Variants in DPY19L2 observed in about 807,000 individuals in gnomAD.
The protein encoded by DPY19L2 is dpy-19 like 2, also known as probable C-mannosyltransferase DPY19L2.
In DPY19L2, 34 loss-of-function variants were observed where a neutral mutation model predicts 97.9. That is an observed-to-expected ratio of 0.35 (90% CI 0.26 to 0.46). DPY19L2 has a LOEUF of 0.46. DPY19L2 is among the 20% of genes least tolerant of loss of function. DPY19L2 has a pLI of 1.00. For missense variants in DPY19L2, 623 were observed against 911.4 expected (o/e 0.68, Z 4.07); for synonymous variants, 230 against 307.9 (o/e 0.75, Z 2.65).
chr12:63,575,535 A>T (rs1389306302), intron 19 of DPY19L2, among the ~76,000 whole-genome samples: 1 of 151,896 alleles, frequency 6.6e-6, no homozygotes, highest in East Asian at 1.9e-4. Context: ...TGAAAAGATA[A>T]AATTAACAAA....
intron 16 of DPY19L2, among the ~76,000 whole-genome samples, chr12:63,588,504 G>A (rs1010289266): frequency 2.6e-5 from 4 of 151,978 alleles, no homozygotes; most frequent in Admixed American, 1.3e-4. Flanking sequence ...TTAAAAAATC[G>A]TTAAGAGGGT....
At chr12:63,631,161 G>C (rs1245241181) in intron 6 of DPY19L2, among the ~76,000 whole-genome samples, 1 of 152,088 alleles carries the variant, frequency 6.6e-6, no homozygotes, top group Non-Finnish European at 1.5e-5. Context: ...AAAAGAACTA[G>C]AGAAGCAAGA....
chr12:63,631,569 T>A (rs1312123212), intron 6 of DPY19L2, among the ~76,000 whole-genome samples: 1 of 152,022 alleles, frequency 6.6e-6, no homozygotes, highest in Non-Finnish European at 1.5e-5. Flanking sequence ...GAGGCAATAA[T>A]CAATAGCCTA....
chr12:63,590,113 AAAAAC>A (rs1260121064), intron 16 of DPY19L2, among the ~76,000 whole-genome samples: 8 of 151,494 alleles, frequency 5.3e-5, no homozygotes, highest in East Asian at 1.9e-4. Context: ...GCGAGACAAA[AAAAAC>A]AAAACAAAAC....
intron 16 of DPY19L2, chr12:63,590,951 G>A (rs1469536677): frequency 6.5e-5 from 26 of 401,280 alleles, no homozygotes; most frequent in African/African-American, 3.7e-4. Context: ...CGAGTCTGTC[G>A]CTTCCACATT....
In DPY19L2 at chr12:63,577,761, A is replaced by C. The variant is rs963034541; in HGVS notation, c.1900+2901T>G. On this transcript the variant is annotated intron_variant, in intron 19 of 21. Transcript: ENST00000324472. ...ACTCCAGTTAAAATGGCTATTATTC[A>C]AAAGACAGGCAATAACAAATGGCTG... 3.3e-5 allele frequency among the ~76,000 whole-genome samples: 5 copies of C among 152,168 alleles called. 1 individual carries two copies. Among genetic ancestry groups the C allele is most frequent in the African/African-American group, 1.2e-4 (5 of 41,438 alleles).
At chr12:63,582,848 GA>G in intron 17 of DPY19L2, among the ~76,000 whole-genome samples, 1 of 152,104 alleles carries the variant, frequency 6.6e-6, no homozygotes, top group Non-Finnish European at 1.5e-5. Context: ...CAGTTGGCAA[GA>G]AAATGGAGCA....
intron 21 of DPY19L2, among the ~76,000 whole-genome samples, chr12:63,562,795 G>A (rs1040183255): frequency 2.4e-5 from 3 of 124,108 alleles, no homozygotes; most frequent in Non-Finnish European, 4.9e-5. Flanking sequence ...CTGTCCTTTT[G>A]TCCTTTTTTT....
Position 63,661,482 on chromosome 12 carries a change from CTT to C in DPY19L2, c.451-3_451-2del, listed in dbSNP as rs202064990. The C allele has an allele frequency of 1.3e-6, 2 of 1,544,112 alleles. No individual in the cohort carries two copies. Among genetic ancestry groups the C allele is most frequent in the Non-Finnish European group, 1.7e-6 (2 of 1,153,774 alleles). On this transcript the variant is annotated splice_acceptor_variant and splice_polypyrimidine_tract_variant and intron_variant, in intron 3 of 21. Transcript: ENST00000324472. LOFTEE classifies it high-confidence loss of function. ...TCTTGAAGTATGAATAATAAAGTCC[CTT>C]TTTTTAAAAAAAGACATATATTGTC... is the stretch of plus-strand genomic sequence containing the variant.
chr12:63,581,801 T>A (rs1479303519), intron 18 of DPY19L2, among the ~76,000 whole-genome samples: 3 of 141,642 alleles, frequency 2.1e-5, no homozygotes, highest in Non-Finnish European at 4.6e-5. Context: ...ACTCTTTTTT[T>A]TCTCTTTTTC....
intron 20 of DPY19L2, 118 bp downstream of exon 20, chr12:63,570,640 G>A (rs1246645260): frequency 2.2e-5 from 22 of 979,526 alleles, no homozygotes; most frequent in Non-Finnish European, 3.1e-5. Flanking sequence ...TGAAAATGAG[G>A]ATGAGTTTGT....
In DPY19L2 at chr12:63,651,780, A is replaced by T. The variant is rs1190270814; in HGVS notation, c.589-4415T>A. 5 of 348,278 alleles carry T rather than the reference A, an allele frequency of 1.4e-5. No homozygotes were observed. In the Admixed American group the frequency reaches 1.5e-4, roughly 11 times the overall value. 21.6% of individuals were successfully genotyped at this position (348,278 alleles called of 1,614,324 possible). A position where few individuals can be genotyped will look rare whatever the true frequency, so the allele number is the denominator to read the frequency against. On this transcript the variant is annotated intron_variant, in intron 4 of 21. Transcript: ENST00000324472. Reference sequence around the variant, plus strand: ...GAATAAAGAGCTGGCTGCCTTTACAAAGAACCAGAAGGACCCCGGTGTCCT... The same window carrying T: ...GAATAAAGAGCTGGCTGCCTTTACATAGAACCAGAAGGACCCCGGTGTCCT...
intron 16 of DPY19L2, chr12:63,591,187 G>A (rs757361243): frequency 4.5e-6 from 2 of 442,454 alleles, no homozygotes; most frequent in Non-Finnish European, 4.6e-6. Context: ...TTCAACAGAT[G>A]CACCTAAGAG....
chr12:63,658,306 C>T (rs1293041295), intron 4 of DPY19L2, among the ~76,000 whole-genome samples: 5 of 152,072 alleles, frequency 3.3e-5, no homozygotes, highest in Non-Finnish European at 7.4e-5. Context: ...ACCAGCCTGG[C>T]TAACATGGTG....
intron 4 of DPY19L2, among the ~76,000 whole-genome samples, chr12:63,648,054 C>G (rs184413562): frequency 2.6e-5 from 4 of 152,234 alleles, no homozygotes; most frequent in East Asian, 1.9e-4. Context: ...AGACTCCCCC[C>G]TCATGAGTGA....
At chr12:63,627,428 C>A (rs557149832) in intron 6 of DPY19L2, among the ~76,000 whole-genome samples, 7 of 152,262 alleles carry the variant, frequency 4.6e-5, no homozygotes, top group African/African-American at 1.7e-4. Flanking sequence ...CGGCTCACTG[C>A]AACCTCTGCC....
rs553650717 is a variant in DPY19L2 at position 63,631,497 on chromosome 12, TC to T, written c.804-4972del. On this transcript the variant is annotated intron_variant, in intron 6 of 21. Transcript: ENST00000324472. Reference sequence around the variant, plus strand: ...GATAAATTCCTGGAAATATACACCCTCCCAAGACTAAACCAGGAAGAATTTG... The same window carrying T: ...GATAAATTCCTGGAAATATACACCCTCCAAGACTAAACCAGGAAGAATTTG... Among the ~76,000 whole-genome samples, 967 of 152,096 alleles carry T rather than the reference TC, an allele frequency of 6.4e-3. 7 individuals carry two copies. The highest frequency in any genetic ancestry group is 0.031 in the South Asian group (151 of 4,818).
chr12:63,661,481 C>A lies in DPY19L2; in HGVS notation c.451G>T (p.Gly151Ter), dbSNP rs748938582. The A allele has an allele frequency of 1.3e-6, 2 of 1,545,906 alleles. No individual in the cohort carries two copies. The highest frequency in any genetic ancestry group is 2.3e-5 in the Admixed American group (1 of 44,144). The change falls in exon 4 of 22, where the codon GGA (glycine) becomes TGA (stop). Residue 151 changes from glycine to a stop codon, truncating the protein, a stop_gained and splice_region_variant. Coordinates refer to ENST00000324472, the MANE Select transcript of DPY19L2 (RefSeq NM_173812.5). LOFTEE classifies it high-confidence loss of function. Reference protein sequence around the residue: ...EREMTFRTEMGLYYSYFKTII... With the variant: ...EREMTFRTEM The stretch of plus-strand genomic sequence containing the variant: ...GTCTTGAAGTATGAATAATAAAGTC[C>A]CTTTTTTTAAAAAAAGACATATATT...
chr12:63,630,393 C>T (rs1181788839), intron 6 of DPY19L2, among the ~76,000 whole-genome samples: 1 of 151,400 alleles, frequency 6.6e-6, no homozygotes, highest in Admixed American at 6.6e-5. Flanking sequence ...AAATGGAAAA[C>T]AAAAAAAGGC....
Sources: gnomAD v4.1 joint callset for allele counts (sites outside exome capture counted in the v4.1 genomes callset) on GRCh38, gnomAD v4.1.1 for gene constraint, MANE v1.5 for transcripts, NCBI Gene and HGNC (gene_info 2026-07-23, HGNC 2026-07-21) for gene names.